The following ABCC5 variants were observed in gnomAD, a reference collection of about 807,000 sequenced individuals.
ABCC5 encodes ATP binding cassette subfamily C member 5.
A neutral mutation model predicts 160.9 loss-of-function variants in ABCC5; 61 were observed. The observed-to-expected ratio is 0.38, with a 90% CI of 0.31 to 0.47. The LOEUF is 0.47. ABCC5 is among the 20% of genes least tolerant of loss of function. ABCC5 has a pLI of 0.99. For synonymous variants in ABCC5, 666 were observed against 700.6 expected (o/e 0.95, Z 0.78); for missense variants, 1,308 against 1,813.3 (o/e 0.72, Z 5.06).
At position 183,983,118 on chromosome 3, in the gene ABCC5, G is replaced by T. The variant is rs746522729; in HGVS notation, c.592-111C>A. Reference sequence around the variant, plus strand: ...GGCAGCTCCACTCAGGGACCAGTGCGCAAGCAAAGCAAAACTTTGGAAGAC... The same window carrying T: ...GGCAGCTCCACTCAGGGACCAGTGCTCAAGCAAAGCAAAACTTTGGAAGAC... On this transcript the variant is annotated intron_variant, in intron 5 of 29. Transcript: ENST00000334444. The T allele has an allele frequency of 6.7e-5, 66 of 990,812 alleles. No individual in the cohort carries two copies. In the African/African-American group the frequency reaches 8.6e-4, roughly 13 times the overall value. 61.4% of individuals were successfully genotyped at this position (990,812 alleles called of 1,614,324 possible).
At chr3:183,947,229 G>A in intron 23 of ABCC5, 95 bp downstream of exon 23, 1 of 1,306,192 alleles carries the variant, frequency 7.7e-7, no homozygotes, top group Admixed American at 3.0e-5. Flanking sequence ...TGAAATAATG[G>A]CTCAGGGTGG....
intron 5 of ABCC5, chr3:183,985,672 G>A: frequency 2.3e-6 from 1 of 434,692 alleles, no homozygotes; most frequent in Admixed American, 3.4e-5. Context: ...ATCCAAAAAG[G>A]CCCCAAAGCA....
rs1183962499 is a variant in ABCC5 at position 183,920,410 on chromosome 3, C to G, written c.*890G>C. 6.6e-6 allele frequency: 1 copy of G among 152,594 alleles called. No individual in the cohort carries two copies. Among genetic ancestry groups the G allele is most frequent in the Non-Finnish European group, 1.5e-5 (1 of 68,086 alleles). 9.5% of individuals were successfully genotyped at this position (152,594 alleles called of 1,614,324 possible). On this transcript the variant is annotated 3_prime_UTR_variant, in exon 30 of 30. Coordinates refer to ENST00000334444, the MANE Select transcript of ABCC5 (RefSeq NM_005688.4). The surrounding 1 kb of genome is among the most constrained non-coding windows in gnomAD (Gnocchi z 4.1). ...GGCTTGGAACCAACAGGTCTTGGAG[C>G]TGGAGAGCTCTGTGCAGTGGCCAGC...
chr3:183,959,785 C>T lies in ABCC5; in HGVS notation c.2430G>A (p.Lys810=). 1 of 1,612,830 alleles carries T rather than the reference C, an allele frequency of 6.2e-7. No homozygotes were observed. Among genetic ancestry groups the T allele is most frequent in the Non-Finnish European group, 8.5e-7 (1 of 1,179,442 alleles). ...TCTTTACTGATCCTGTTTTAGGACC[C>T]TTGTCTTGTGACTTCTTCTGTGAAC... is the stretch of plus-strand genomic sequence containing the variant. ...TSGSQKKSQD[K]GPKTGSVKKE... is the part of the protein sequence containing the mutation. The change falls in exon 17 of 30, where the codon AAG becomes AAA. Residue 810 remains lysine (K), a synonymous_variant. Transcript: ENST00000334444.
Position 183,959,052 on chromosome 3 carries a change from T to TACACACACACACAC in ABCC5, c.2482+667_2482+680dup, listed in dbSNP as rs59592606. On this transcript the variant is annotated intron_variant, in intron 17 of 29. Coordinates refer to ENST00000334444, the MANE Select transcript of ABCC5 (RefSeq NM_005688.4). ...AACACACATGTCTACATCTATACAG[T>TACACACACACACAC]ACACACACACACACACACACACACA... Among the ~76,000 whole-genome samples the TACACACACACACAC allele has an allele frequency of 3.1e-4, 46 of 148,164 alleles. No homozygotes were observed. The Middle Eastern group carries it at 0.01, about 33-fold the overall frequency.
chr3:184,006,738 A>T (rs1028801706), intron 2 of ABCC5, among the ~76,000 whole-genome samples: 2 of 152,136 alleles, frequency 1.3e-5, no homozygotes, highest in Non-Finnish European at 2.9e-5. Context: ...CACATCTTTG[A>T]TCCCTAAGAT....
intron 5 of ABCC5, chr3:183,985,053 G>C (rs552896775): frequency 8.4e-5 from 59 of 701,508 alleles, no homozygotes; most frequent in Middle Eastern, 7.5e-4. Flanking sequence ...ACTTTCAAAG[G>C]GGGGGAAAAA....
In ABCC5 at chr3:183,982,776, C is replaced by T; in HGVS notation, c.823G>A (p.Glu275Lys). ...TGAAGCAAACACCCCTCACTCACCT[C>T]ACCCAGGGATTTCTCTTTAATGTTC... ...LKNIKEKSLG[E>K]LINICSNDGQ... The change falls in exon 6 of 30, where the codon GAG becomes AAG. Residue 275 changes from glutamate (E) to lysine (K), a missense_variant and splice_region_variant. Around this residue, in one of 3 missense-constraint regions of ABCC5, gnomAD observed 1,142 missense variants for 1,527.1 expected, o/e 0.75. Transcript: ENST00000334444. This position sits in a 1 kb window ranked among gnomAD's most constrained non-coding sequence, Gnocchi z 5.2. The T allele has an allele frequency of 6.2e-7, 1 of 1,614,174 alleles. No homozygotes were observed. Among genetic ancestry groups the T allele is most frequent in the Non-Finnish European group, 8.5e-7 (1 of 1,179,990 alleles).
In ABCC5 at chr3:183,964,899, C is replaced by T. The variant is rs114691301; in HGVS notation, c.2031+286G>A. Among the ~76,000 whole-genome samples the T allele has an allele frequency of 6.3e-3, 964 of 152,322 alleles. 9 individuals are homozygous for T. Among genetic ancestry groups the T allele is most frequent in the African/African-American group, 0.022 (896 of 41,564 alleles). On this transcript the variant is annotated intron_variant, in intron 14 of 29. Coordinates refer to ENST00000334444, the MANE Select transcript of ABCC5 (RefSeq NM_005688.4). ...AAGATGCTCAACATGCACACGCTTA[C>T]TTGTAGTTTTAAAAATATCTGGATA...
intron 10 of ABCC5, among the ~76,000 whole-genome samples, chr3:183,974,705 G>A (rs1718064834): frequency 6.6e-6 from 1 of 152,180 alleles, no homozygotes; most frequent in South Asian, 2.1e-4. Flanking sequence ...GTATTTGCTA[G>A]AGCAAGCCAC....
At chr3:184,000,727 T>C (rs1720683791) in intron 2 of ABCC5, 1 of 152,568 alleles carries the variant, frequency 6.6e-6, no homozygotes, top group South Asian at 2.1e-4. Flanking sequence ...TGGTAATATG[T>C]AATACTACAT....
At chr3:183,985,026 TGTTTACACTATGCG>T in intron 5 of ABCC5, 1 of 780,066 alleles carries the variant, frequency 1.3e-6, no homozygotes, top group Non-Finnish European at 2.1e-6. Context: ...ACATAGTGAA[TGTTTACACTATGCG>T]AAACTTTCAA....
chr3:183,963,680 G>A lies in ABCC5; in HGVS notation c.2032-92C>T. Reference sequence around the variant, plus strand: ...AGTCACTTCTCTTCTTGCCCACCCAGACCAGCTCCTTCTGTCAATTCCCCG... The same window carrying A: ...AGTCACTTCTCTTCTTGCCCACCCAAACCAGCTCCTTCTGTCAATTCCCCG... On this transcript the variant is annotated intron_variant, in intron 14 of 29. Transcript: ENST00000334444. The surrounding 1 kb of genome is among the most constrained non-coding windows in gnomAD (Gnocchi z 4.6). 1 of 1,201,188 alleles carries A rather than the reference G, an allele frequency of 8.3e-7. No homozygotes were observed. The highest frequency in any genetic ancestry group is 2.4e-5 in the East Asian group (1 of 41,078). 74.4% of individuals were successfully genotyped at this position (1,201,188 alleles called of 1,614,324 possible). A position where few individuals can be genotyped will look rare whatever the true frequency, so the allele number is the denominator to read the frequency against.
intron 28 of ABCC5, among the ~76,000 whole-genome samples, chr3:183,926,334 G>A (rs1387261366): frequency 6.6e-6 from 1 of 151,204 alleles, no homozygotes; most frequent in Non-Finnish European, 1.5e-5. Context: ...GGCGGATCAC[G>A]AGGTCAAGAG....
At chr3:183,998,323 G>A (rs901299287) in intron 2 of ABCC5, among the ~76,000 whole-genome samples, 6 of 152,056 alleles carry the variant, frequency 3.9e-5, no homozygotes, top group Non-Finnish European at 8.8e-5. Context: ...GTGGACCTCA[G>A]GTTGTCTTGA....
intron 2 of ABCC5, among the ~76,000 whole-genome samples, chr3:183,994,652 G>C (rs1469028955): frequency 2.0e-5 from 3 of 151,964 alleles, no homozygotes; most frequent in African/African-American, 7.3e-5. Context: ...GGGATTACAG[G>C]CGTGAGCCAC....
chr3:183,947,256 C>T lies in ABCC5; in HGVS notation c.3414+68G>A, dbSNP rs1714925663. 7 of 1,434,604 alleles carry T rather than the reference C, an allele frequency of 4.9e-6. No homozygotes were observed. The African/African-American group carries it at 8.6e-5, about 18-fold the overall frequency. 88.9% of individuals were successfully genotyped at this position (1,434,604 alleles called of 1,614,324 possible). On this transcript the variant is annotated intron_variant, in intron 23 of 29. Coordinates refer to ENST00000334444, the MANE Select transcript of ABCC5 (RefSeq NM_005688.4). ...TCAGGGTGGAGCCCCCCACAATCAT[C>T]CCTCTTTTACGTCAGCAGAGGAAGG...
Position 183,942,896 on chromosome 3 carries a change from A to G in ABCC5, c.3525T>C (p.Pro1175=), listed in dbSNP as rs764930870. 2.1e-5 allele frequency: 34 copies of G among 1,613,498 alleles called. No individual in the cohort carries two copies. The highest frequency in any genetic ancestry group is 2.9e-5 in the Non-Finnish European group (34 of 1,179,694). Reference sequence around the variant, plus strand: ...AGGGAGCCTTGTTCTTAATTCTGGCAGGTGCTTCCAAGGACAGAGTCTGGG... The same window carrying G: ...AGGGAGCCTTGTTCTTAATTCTGGCGGGTGCTTCCAAGGACAGAGTCTGGG... ...HYIKTLSLEA[P]ARIKNKAPSP... Residue 1175 remains proline, a synonymous_variant, in exon 25 of 30, where the codon CCT becomes CCC. Coordinates refer to ENST00000334444, the MANE Select transcript of ABCC5 (RefSeq NM_005688.4).
chr3:183,958,392 A>T (rs1716418800), intron 17 of ABCC5, among the ~76,000 whole-genome samples: 1 of 152,218 alleles, frequency 6.6e-6, no homozygotes, highest in African/African-American at 2.4e-5. Flanking sequence ...GTGAGTAGCC[A>T]GGTTAGTGAC....
Sources: gnomAD v4.1 joint callset for allele counts (sites outside exome capture counted in the v4.1 genomes callset) on GRCh38, gnomAD v4.1.1 for gene constraint, gnomAD v4.1.1 regional missense constraint, Gnocchi (gnomAD v3.1) non-coding constraint, MANE v1.5 for transcripts, NCBI Gene and HGNC (gene_info 2026-07-23, HGNC 2026-07-21) for gene names.